DLGAP2: variants seen among roughly 807,000 people sequenced by gnomAD.
The protein encoded by DLGAP2 is DLG associated protein 2.
A neutral mutation model predicts 100.3 loss-of-function variants in DLGAP2; 26 were observed. The observed-to-expected ratio is 0.26, with a 90% CI of 0.19 to 0.36. DLGAP2 has a LOEUF of 0.36. Ranked by LOEUF, DLGAP2 falls within the 10% of genes least tolerant of loss-of-function variation. The pLI, the probability that DLGAP2 is intolerant of heterozygous loss-of-function variation, is 1.00. For synonymous variants in DLGAP2, 886 were observed against 630.1 expected, an observed-to-expected ratio of 1.41 and a Z score of -6.08; for missense variants, 1,858 against 1,453.2, an observed-to-expected ratio of 1.28 and a Z score of -4.53.
At chr8:1,286,023 G>A (rs985380239) in intron 3 of DLGAP2, among the ~76,000 whole-genome samples, 2 of 152,134 alleles carry the variant, frequency 1.3e-5, no homozygotes, top group Non-Finnish European at 2.9e-5. Context: ...TTCACCAACT[G>A]ATATGGTTTG....
chr8:1,439,228 A>G (rs1001954192), intron 3 of DLGAP2, among the ~76,000 whole-genome samples: 2 of 152,170 alleles, frequency 1.3e-5, no homozygotes, highest in African/African-American at 4.8e-5. Flanking sequence ...GAGCATGGTC[A>G]CCGGCGCCAG....
chr8:1,155,659 A>G (rs1796769678), intron 2 of DLGAP2, among the ~76,000 whole-genome samples: 1 of 151,192 alleles, frequency 6.6e-6, no homozygotes, highest in Non-Finnish European at 1.5e-5. Flanking sequence ...GGACTCCGAG[A>G]CCCCCAGGCC....
At chr8:1,516,247 ATGAG>A (rs1800373574) in intron 4 of DLGAP2, among the ~76,000 whole-genome samples, 2 of 151,486 alleles carry the variant, frequency 1.3e-5, no homozygotes, top group South Asian at 2.1e-4. Flanking sequence ...TACTGAGTAA[ATGAG>A]TGAGTGAAAG....
intron 3 of DLGAP2, among the ~76,000 whole-genome samples, chr8:1,410,801 T>C (rs1207767516): frequency 1.3e-5 from 2 of 151,664 alleles, no homozygotes; most frequent in African/African-American, 4.8e-5. Flanking sequence ...CACCTTTCCC[T>C]GTGGGAATGT....
intron 6 of DLGAP2, among the ~76,000 whole-genome samples, chr8:1,625,417 A>G (rs559498930): frequency 1.4e-3 from 210 of 152,344 alleles, no homozygotes; most frequent in Admixed American, 2.2e-3. Flanking sequence ...TGCTTTTAAC[A>G]TTTCACAAAA....
chr8:1,045,365 T>C (rs537521160), intron 2 of DLGAP2, among the ~76,000 whole-genome samples: 68 of 152,358 alleles, frequency 4.5e-4, no homozygotes, highest in Middle Eastern at 3.4e-3. Flanking sequence ...TGTTTTCATT[T>C]TTTAAAGTTG....
chr8:1,389,498 C>T (rs78371109), intron 3 of DLGAP2, among the ~76,000 whole-genome samples: 2,328 of 152,238 alleles, frequency 0.015, 53 homozygotes, highest in Middle Eastern at 0.054. Flanking sequence ...CCGCTAAGGG[C>T]ACTCAGAGCT....
In DLGAP2 at chr8:1,317,321, G is replaced by C. The variant is rs576673601; in HGVS notation, c.106+58438G>C. Among the ~76,000 whole-genome samples the C allele has an allele frequency of 3.9e-3, 526 of 133,170 alleles. 7 individuals carry two copies. The highest frequency in any genetic ancestry group is 0.014 in the African/African-American group (483 of 34,572). The allele number at this position is 133,170 out of a possible 152,430, so 87.4% of individuals were successfully genotyped here. Reference sequence around the variant, plus strand: ...GGCAGCTTTTAAAAATAGAGGCTGTGCGAGTGCAGCGTCTCTCCAACAGTG... The same window carrying C: ...GGCAGCTTTTAAAAATAGAGGCTGTCCGAGTGCAGCGTCTCTCCAACAGTG... On this transcript the variant is annotated intron_variant, in intron 3 of 14. Transcript: ENST00000637795.
intron 3 of DLGAP2, among the ~76,000 whole-genome samples, chr8:1,280,978 G>A (rs538155545): frequency 3.9e-5 from 6 of 152,302 alleles, no homozygotes; most frequent in African/African-American, 9.6e-5. Flanking sequence ...GGATGTGGAC[G>A]AGGAATCCTT....
chr8:1,524,287 G>A (rs1380955245), intron 4 of DLGAP2, among the ~76,000 whole-genome samples: 4 of 152,080 alleles, frequency 2.6e-5, no homozygotes, highest in African/African-American at 7.2e-5. Context: ...CTCCTTAGAA[G>A]GTTGTCTCTT....
chr8:1,447,821 G>A (rs1798023674), intron 3 of DLGAP2, among the ~76,000 whole-genome samples: 1 of 152,324 alleles, frequency 6.6e-6, no homozygotes, highest in Non-Finnish European at 1.5e-5. Flanking sequence ...TTGGGACAGT[G>A]TATGTGTTGA....
At position 989,340 on chromosome 8, in the gene DLGAP2, G is replaced by T. The variant is rs139269984; in HGVS notation, c.73+81374G>T. The stretch of plus-strand genomic sequence containing the variant: ...TGCTCTCCCAGGGCCTGAGGGAGGG[G>T]CTGTCTTCGGGTTTTTTATGCCTGA... On this transcript the variant is annotated intron_variant, in intron 2 of 14. Coordinates refer to ENST00000637795, the MANE Select transcript of DLGAP2 (RefSeq NM_001346810.2). Among the ~76,000 whole-genome samples, 1,496 of 152,274 alleles carry T rather than the reference G, an allele frequency of 9.8e-3. 24 individuals are homozygous for T. The highest frequency in any genetic ancestry group is 0.024 in the Middle Eastern group (7 of 294).
At chr8:809,976 G>A (rs1796342174) in intron 1 of DLGAP2, among the ~76,000 whole-genome samples, 2 of 152,190 alleles carry the variant, frequency 1.3e-5, no homozygotes, top group Admixed American at 1.3e-4. Context: ...TGCGGTCAAG[G>A]CCCTCAGCTC....
At chr8:843,397 C>A (rs151186287) in intron 1 of DLGAP2, among the ~76,000 whole-genome samples, 1 of 152,210 alleles carries the variant, frequency 6.6e-6, no homozygotes. Context: ...TTCACGGGGG[C>A]TGTCTTTACG....
At chr8:1,295,231 T>C (rs1355472694) in intron 3 of DLGAP2, among the ~76,000 whole-genome samples, 1 of 152,168 alleles carries the variant, frequency 6.6e-6, no homozygotes, top group Non-Finnish European at 1.5e-5. Context: ...AGCAGGAACC[T>C]GAAAACCCCG....
chr8:1,056,115 A>T (rs1357243982), intron 2 of DLGAP2, among the ~76,000 whole-genome samples: 3 of 152,184 alleles, frequency 2.0e-5, no homozygotes, highest in Non-Finnish European at 4.4e-5. Context: ...CAGGCAATTC[A>T]GTGTAACACT....
chr8:1,043,961 G>T (rs1802445867), intron 2 of DLGAP2, among the ~76,000 whole-genome samples: 1 of 152,084 alleles, frequency 6.6e-6, no homozygotes, highest in Non-Finnish European at 1.5e-5. Context: ...TGCTTTCTGG[G>T]TTAGAGACTT....
intron 2 of DLGAP2, among the ~76,000 whole-genome samples, chr8:1,039,690 C>G (rs111260734): frequency 8.6e-6 from 1 of 115,960 alleles, no homozygotes; most frequent in Non-Finnish European, 1.7e-5. Flanking sequence ...GTGGTCAGCT[C>G]GGTGTGCGTG....
At chr8:990,063 T>C (rs2129016121) in intron 2 of DLGAP2, among the ~76,000 whole-genome samples, 1 of 152,186 alleles carries the variant, frequency 6.6e-6, no homozygotes, top group East Asian at 1.9e-4. Flanking sequence ...AGATCACTGC[T>C]TCCCACTGTA....
Sources: gnomAD v4.1 joint callset for allele counts (sites outside exome capture counted in the v4.1 genomes callset) on GRCh38, gnomAD v4.1.1 for gene constraint, MANE v1.5 for transcripts, NCBI Gene and HGNC (gene_info 2026-07-23, HGNC 2026-07-21) for gene names.